The following LGI1 variants were observed in gnomAD, a reference collection of about 807,000 sequenced individuals.
LGI1 encodes leucine-rich glioma-inactivated protein 1.
Under a neutral mutation model 57.7 loss-of-function variants are expected in LGI1, and 11 were observed. The ratio of observed to expected loss-of-function variants is 0.19; its 90% confidence interval spans 0.12 to 0.32. The LOEUF is 0.32. Ranked by LOEUF, LGI1 falls within the 10% of genes least tolerant of loss-of-function variation. The pLI, the probability that LGI1 is intolerant of heterozygous loss-of-function variation, is 1.00. For synonymous variants in LGI1, 222 were observed against 241.9 expected (o/e 0.92, Z 0.76); for missense variants, 422 against 661.9 (o/e 0.64, Z 3.98).
chr10:93,780,875 G>A (rs1463757147), intron 4 of LGI1, among the ~76,000 whole-genome samples: 1 of 152,168 alleles, frequency 6.6e-6, no homozygotes, highest in Non-Finnish European at 1.5e-5. Flanking sequence ...ATCTCAAAAT[G>A]CAGATAGTTG....
intron 2 of LGI1, among the ~76,000 whole-genome samples, chr10:93,761,182 T>C (rs1182378709): frequency 6.6e-6 from 1 of 152,170 alleles, no homozygotes; most frequent in Non-Finnish European, 1.5e-5. Context: ...AGATCTCTTC[T>C]GTGAGACAGG....
rs190465074 is a variant in LGI1, at chr10:93,763,183, A to C, written c.287+4352A>C. On this transcript the variant is annotated intron_variant, in intron 2 of 7. Transcript: ENST00000371418. ...TCCGTGCTTTCATGACTCCCTAGAA[A>C]CAGAGAAAGTCCAGACACCTGAGCT... 2.6e-5 allele frequency: 4 copies of C among 152,352 alleles called. No individual in the cohort carries two copies. In the East Asian group the frequency reaches 7.7e-4, roughly 29 times the overall value. The allele number at this position is 152,352 out of a possible 1,614,324, so 9.4% of individuals were successfully genotyped here.
chr10:93,775,160 G>C lies in LGI1; in HGVS notation c.288-2219G>C, dbSNP rs141043697. ...GACTTTTTACAAAGTGAATACCCTTGTAACCAGCACCCAGGTCAAGAAACT... is the reference window on the plus strand; with the variant it reads ...GACTTTTTACAAAGTGAATACCCTTCTAACCAGCACCCAGGTCAAGAAACT... On this transcript the variant is annotated intron_variant, in intron 2 of 7. Coordinates refer to ENST00000371418, the MANE Select transcript of LGI1 (RefSeq NM_005097.4). Among the ~76,000 whole-genome samples the C allele has an allele frequency of 7.9e-3, 1,207 of 152,216 alleles. 16 individuals are homozygous for C. The highest frequency in any genetic ancestry group is 0.027 in the African/African-American group (1,121 of 41,526).
At chr10:93,776,961 AGG>A in intron 2 of LGI1, 1 of 224,090 alleles carries the variant, frequency 4.5e-6, no homozygotes, top group Non-Finnish European at 8.9e-6. Context: ...ACTTTTTTTT[AGG>A]TTTCCCAGGC....
intron 2 of LGI1, among the ~76,000 whole-genome samples, chr10:93,761,419 G>A (rs937292703): frequency 2.6e-5 from 4 of 152,306 alleles, no homozygotes; most frequent in Middle Eastern, 3.4e-3. Flanking sequence ...AAGACAGTTC[G>A]TTGGTTTCTT....
intron 7 of LGI1, chr10:93,794,876 C>T (rs1399662646): frequency 6.6e-6 from 1 of 152,092 alleles, no homozygotes; most frequent in Non-Finnish European, 1.5e-5. Context: ...TGCTGGTAGC[C>T]ATCACCCTCA....
intron 2 of LGI1, chr10:93,762,397 T>A (rs2059633531): frequency 6.6e-6 from 1 of 152,218 alleles, no homozygotes; most frequent in Non-Finnish European, 1.5e-5. Context: ...AAAGAAGGAA[T>A]AAGTCCATCC....
chr10:93,783,961 G>A (rs750795010), intron 4 of LGI1, among the ~76,000 whole-genome samples: 5 of 152,142 alleles, frequency 3.3e-5, no homozygotes, highest in Admixed American at 6.5e-5. Context: ...GCAGTGAGCC[G>A]AGATAGCGCC....
At chr10:93,760,906 T>C (rs774375575) in intron 2 of LGI1, among the ~76,000 whole-genome samples, 3 of 152,196 alleles carry the variant, frequency 2.0e-5, no homozygotes, top group Non-Finnish European at 4.4e-5. Context: ...TTAACTCAGA[T>C]TGGCTAACCT....
intron 2 of LGI1, chr10:93,768,665 A>C (rs2059703973): frequency 6.6e-6 from 1 of 152,198 alleles, no homozygotes; most frequent in Non-Finnish European, 1.5e-5. Context: ...TACCACTCCA[A>C]AAGGAGAGGG....
chr10:93,787,002 C>T (rs1298265379), intron 4 of LGI1, among the ~76,000 whole-genome samples: 2 of 152,186 alleles, frequency 1.3e-5, no homozygotes, highest in Non-Finnish European at 2.9e-5. Context: ...CTAAATGTAA[C>T]CTGTCACTGG....
intron 5 of LGI1, chr10:93,790,714 C>T (rs1031449875): frequency 6.6e-6 from 1 of 152,560 alleles, no homozygotes; most frequent in African/African-American, 2.4e-5. Context: ...AGGGAATGAA[C>T]TTAATTATTT....
intron 4 of LGI1, among the ~76,000 whole-genome samples, chr10:93,787,187 C>T (rs951318439): frequency 6.6e-6 from 1 of 152,196 alleles, no homozygotes; most frequent in Non-Finnish European, 1.5e-5. Flanking sequence ...GCTTCATTCT[C>T]TCTCCTCTAA....
At chr10:93,766,533 C>T (rs1266756214) in intron 2 of LGI1, among the ~76,000 whole-genome samples, 1 of 1,580 alleles carries the variant, frequency 6.3e-4, no homozygotes, top group South Asian at 0.028. Context: ...GAGACGGAGT[C>T]TCGCTCTGTC....
rs1166574110 is a variant in LGI1 at position 93,797,421 on chromosome 10, A to T, written c.1292A>T (p.Asp431Val). ...TNQTDIPNME[D>V]VYAVKHFSVK... ...CAAACTGACATTCCTAACATGGAGG[A>T]TGTGTACGCAGTGAAGCACTTCTCA... The change falls in exon 8 of 8, where the codon GAT becomes GTT. Residue 431 changes from aspartate (D) to valine (V), a missense_variant. Coordinates refer to ENST00000371418, the MANE Select transcript of LGI1 (RefSeq NM_005097.4). This position sits in a 1 kb window ranked among gnomAD's most constrained non-coding sequence, Gnocchi z 6.5. 4 of 1,614,086 alleles carry T rather than the reference A, an allele frequency of 2.5e-6. No individual in the cohort carries two copies.
intron 2 of LGI1, chr10:93,776,142 C>T (rs1362119753): frequency 6.6e-6 from 1 of 152,148 alleles, no homozygotes; most frequent in African/African-American, 2.4e-5. Flanking sequence ...GGGTACAAAT[C>T]CATGACATTA....
chr10:93,782,762 C>T (rs1224711912), intron 4 of LGI1: 2 of 152,236 alleles, frequency 1.3e-5, no homozygotes, highest in Non-Finnish European at 1.5e-5. Flanking sequence ...GACACAAACC[C>T]AAGCTGAGAA....
chr10:93,795,862 C>T (rs897411486), intron 7 of LGI1, among the ~76,000 whole-genome samples: 1 of 152,254 alleles, frequency 6.6e-6, no homozygotes, highest in African/African-American at 2.4e-5. Flanking sequence ...ATCATACAAT[C>T]AGTTTAGCCC....
At chr10:93,790,361 G>T (rs1386821723) in intron 5 of LGI1, 191 bp downstream of exon 5, 2 of 587,922 alleles carry the variant, frequency 3.4e-6, no homozygotes, top group Admixed American at 3.2e-5. Context: ...ATTTATCATT[G>T]GGAATTCTGA....
Sources: allele counts gnomAD v4.1 joint callset (sites outside exome capture counted in the v4.1 genomes callset), GRCh38; gene constraint gnomAD v4.1.1; non-coding constraint Gnocchi (gnomAD v3.1); transcripts MANE v1.5; gene names NCBI Gene and HGNC (gene_info 2026-07-23, HGNC 2026-07-21).